COL5A2: variants seen among roughly 807,000 people sequenced by gnomAD.
COL5A2 encodes collagen type V alpha 2 chain, also known as collagen alpha-2(V) chain.
In COL5A2, 23 loss-of-function variants were observed where a neutral mutation model predicts 208.2. That is an observed-to-expected ratio of 0.11 (90% confidence interval 0.08 to 0.16). The LOEUF (loss-of-function observed/expected upper bound fraction) is 0.16, where lower values mean the gene tolerates loss of function less well. COL5A2 is among the 10% of genes least tolerant of loss of function. The pLI is 1.00. For synonymous variants in COL5A2, 625 were observed against 628.5 expected, an observed-to-expected ratio of 0.99 and a Z score of 0.08; for missense variants, 1,590 against 1,956.4, an observed-to-expected ratio of 0.81 and a Z score of 3.53.
intron 1 of COL5A2, among the ~76,000 whole-genome samples, chr2:189,177,624 G>T (rs1688700844): frequency 6.6e-6 from 1 of 152,062 alleles, no homozygotes; most frequent in Non-Finnish European, 1.5e-5. Context: ...TGTAAAATTT[G>T]ATGTTTGGAA....
At chr2:189,415,804 C>T in the COL5A2 span, among the ~76,000 whole-genome samples, 3 of 152,108 alleles carry the variant, frequency 2.0e-5, no homozygotes, top group Non-Finnish European at 1.5e-5. Flanking sequence ...GGGCTACAGG[C>T]GCCTACCACC....
chr2:189,319,337 G>C, the COL5A2 span, among the ~76,000 whole-genome samples: 2 of 152,204 alleles, frequency 1.3e-5, no homozygotes, highest in East Asian at 3.9e-4. Flanking sequence ...TGGATGCAGC[G>C]CACCAAGCGT....
chr2:189,115,560 T>C (rs949505708), intron 1 of COL5A2, among the ~76,000 whole-genome samples: 4 of 152,174 alleles, frequency 2.6e-5, no homozygotes, highest in Non-Finnish European at 5.9e-5. Flanking sequence ...AGATATTCTC[T>C]AGCCATTAAC....
chr2:189,106,593 T>G (rs887004664), intron 2 of COL5A2, among the ~76,000 whole-genome samples: 5 of 151,298 alleles, frequency 3.3e-5, no homozygotes, highest in Non-Finnish European at 5.9e-5. Flanking sequence ...TCTGATTTCT[T>G]TTTTTAATGT....
At chr2:189,362,254 A>G in the COL5A2 span, among the ~76,000 whole-genome samples, 3 of 152,158 alleles carry the variant, frequency 2.0e-5, no homozygotes, top group Non-Finnish European at 4.4e-5. Flanking sequence ...AATTTTACCT[A>G]TATAATTTTT....
chr2:189,384,474 T>C, the COL5A2 span, among the ~76,000 whole-genome samples: 28 of 152,156 alleles, frequency 1.8e-4, no homozygotes, highest in Admixed American at 1.8e-3. Flanking sequence ...AATATCTGAA[T>C]GTAGTTTTGA....
chr2:189,111,244 G>C (rs1208214935), intron 1 of COL5A2, among the ~76,000 whole-genome samples: 1 of 152,042 alleles, frequency 6.6e-6, no homozygotes, highest in Non-Finnish European at 1.5e-5. Context: ...GTGTGTGTGT[G>C]TGTACACATA....
intron 18 of COL5A2, among the ~76,000 whole-genome samples, chr2:189,070,849 A>C (rs1161266929): frequency 6.6e-6 from 1 of 152,068 alleles, no homozygotes; most frequent in Non-Finnish European, 1.5e-5. Flanking sequence ...TCAGAGGAGA[A>C]CCCAACAAGA....
At chr2:189,179,992 TC>T, upstream of COL5A2, 1 of 430,076 alleles carries the variant, frequency 2.3e-6, no homozygotes, top group Non-Finnish European at 4.1e-6. Context: ...AACATTTGTT[TC>T]TCTTTTCTTT....
At chr2:189,385,654 C>T in the COL5A2 span, among the ~76,000 whole-genome samples, 1 of 150,014 alleles carries the variant, frequency 6.7e-6, no homozygotes, top group African/African-American at 2.4e-5. Context: ...GAAAAAAAAA[C>T]CAGCCTGAAT....
chr2:189,314,023 TAGAC>T, the COL5A2 span, among the ~76,000 whole-genome samples: 1 of 152,042 alleles, frequency 6.6e-6, no homozygotes, highest in Non-Finnish European at 1.5e-5. Context: ...CCAACAATAT[TAGAC>T]AGATCATCAA....
intron 17 of COL5A2, among the ~76,000 whole-genome samples, chr2:189,074,732 C>A (rs1461757557): frequency 6.6e-6 from 1 of 152,180 alleles, no homozygotes; most frequent in African/African-American, 2.4e-5. Flanking sequence ...ATCTACTGGG[C>A]CATGCCCATG....
At chr2:189,045,314 G>A (rs1337806224) in intron 46 of COL5A2, 82 bp from the exon 47 acceptor site, 43 of 854,572 alleles carry the variant, frequency 5.0e-5, no homozygotes, top group Admixed American at 2.9e-4. Flanking sequence ...TCAACAATAC[G>A]TTTATAGTTG....
At chr2:189,324,797 C>A in the COL5A2 span, among the ~76,000 whole-genome samples, 1 of 152,146 alleles carries the variant, frequency 6.6e-6, no homozygotes, top group Admixed American at 6.5e-5. Context: ...TACCATTTGA[C>A]CCAGCCATCC....
chr2:189,091,802 C>T (rs1050965053), intron 7 of COL5A2, among the ~76,000 whole-genome samples: 2 of 152,082 alleles, frequency 1.3e-5, no homozygotes, highest in African/African-American at 4.8e-5. Flanking sequence ...TCAAAGAAGT[C>T]GGTATTGAAA....
At chr2:189,131,574 T>C (rs1195710938) in intron 1 of COL5A2, among the ~76,000 whole-genome samples, 1 of 152,142 alleles carries the variant, frequency 6.6e-6, no homozygotes, top group Non-Finnish European at 1.5e-5. Flanking sequence ...CCATTGGACA[T>C]TGAAAATCTC....
chr2:189,387,392 G>T, the COL5A2 span, among the ~76,000 whole-genome samples: 1 of 152,082 alleles, frequency 6.6e-6, no homozygotes, highest in Non-Finnish European at 1.5e-5. Context: ...GACAAGTTCG[G>T]TTATGCCCTA....
chr2:189,311,389 C>T, the COL5A2 span: 6 of 1,023,358 alleles, frequency 5.9e-6, no homozygotes, highest in East Asian at 1.4e-4. Flanking sequence ...GATTGAAGTC[C>T]TCACCATCTT....
At chr2:189,390,378 A>T in the COL5A2 span, among the ~76,000 whole-genome samples, 147 of 152,316 alleles carry the variant, frequency 9.7e-4, 2 homozygotes, top group African/African-American at 3.2e-3. Flanking sequence ...TGTCAAGATG[A>T]TTGAAATCTT....
Sources: allele counts gnomAD v4.1 joint callset (sites outside exome capture counted in the v4.1 genomes callset), GRCh38; gene constraint gnomAD v4.1.1; transcripts MANE v1.5; gene names NCBI Gene and HGNC (gene_info 2026-07-23, HGNC 2026-07-21).